FRMD5: variants seen among roughly 807,000 people sequenced by gnomAD.
The protein encoded by FRMD5 is FERM domain-containing protein 5.
FRMD5 carries 20 observed loss-of-function variants against 69.0 expected under a neutral mutation model. The observed-to-expected ratio is 0.29, with a 90% confidence interval of 0.20 to 0.42. The LOEUF (loss-of-function observed/expected upper bound fraction) is 0.42, where lower values mean the gene tolerates loss of function less well. Ranked by LOEUF, FRMD5 falls within the 10% of genes least tolerant of loss-of-function variation. The probability of loss-of-function intolerance (pLI) is 1.00; values close to 1 mark genes in which losing one functional copy is unlikely to be tolerated. For synonymous variants in FRMD5, 271 were observed against 260.1 expected, an observed-to-expected ratio of 1.04 and a Z score of -0.40; for missense variants, 595 against 708.6, an observed-to-expected ratio of 0.84 and a Z score of 1.82.
intron 1 of FRMD5, among the ~76,000 whole-genome samples, chr15:44,191,760 C>A (rs1034641984): frequency 6.6e-6 from 1 of 151,218 alleles, no homozygotes; most frequent in Non-Finnish European, 1.5e-5. Flanking sequence ...CATAAAAATT[C>A]CTTAGGATAT....
chr15:44,132,556 G>C (rs2140423118), intron 1 of FRMD5, among the ~76,000 whole-genome samples: 1 of 152,130 alleles, frequency 6.6e-6, no homozygotes, highest in South Asian at 2.1e-4. Context: ...AGCCTCCCAA[G>C]TAGTTGGGAC....
At chr15:43,923,169 C>T (rs1321937960) in intron 2 of FRMD5, among the ~76,000 whole-genome samples, 2 of 152,226 alleles carry the variant, frequency 1.3e-5, no homozygotes, top group Non-Finnish European at 2.9e-5. Context: ...AAGCCATTAA[C>T]TCACTCATGC....
At chr15:44,172,900 C>A (rs764012627) in intron 1 of FRMD5, among the ~76,000 whole-genome samples, 1 of 152,288 alleles carries the variant, frequency 6.6e-6, no homozygotes, top group East Asian at 1.9e-4. Context: ...AGGGAAGATA[C>A]TTCCATTTCA....
intron 1 of FRMD5, among the ~76,000 whole-genome samples, chr15:44,112,770 T>C (rs2076817079): frequency 6.6e-6 from 1 of 151,616 alleles, no homozygotes; most frequent in African/African-American, 2.4e-5. Flanking sequence ...GCCTGGCCTG[T>C]ATTTTTAGTA....
intron 1 of FRMD5, among the ~76,000 whole-genome samples, chr15:44,098,091 T>A (rs371799007): frequency 7.2e-6 from 1 of 139,350 alleles, no homozygotes; most frequent in African/African-American, 2.7e-5. Flanking sequence ...AATGCCATGC[T>A]CCCAAAAGTT....
At position 43,892,049 on chromosome 15, in the gene FRMD5, T is replaced by G. The variant is rs537270945; in HGVS notation, c.660A>C (p.Ala220=). The part of the protein sequence containing the change: ...HPCKDVSGNA[A]FLAFTPFGFV... ...ACCCAAAAGGAGTGAAGGCCAGAAA[T>G]GCAGCATTTCCTGACACGTCCTGCA... Residue 220 remains alanine (A), a synonymous_variant, in exon 8 of 14, where the codon GCA becomes GCC. Transcript: ENST00000417257. 3 of 1,614,132 alleles carry G rather than the reference T, an allele frequency of 1.9e-6. No homozygotes were observed. In the Middle Eastern group the frequency reaches 4.9e-4, roughly 266 times the overall value.
At chr15:43,944,063 G>A (rs1350943820) in intron 1 of FRMD5, among the ~76,000 whole-genome samples, 1 of 152,210 alleles carries the variant, frequency 6.6e-6, no homozygotes, top group Non-Finnish European at 1.5e-5. Context: ...ATCGGCCACT[G>A]CCTTAGTCCT....
At chr15:44,163,767 C>T (rs1431686380) in intron 1 of FRMD5, among the ~76,000 whole-genome samples, 1 of 152,184 alleles carries the variant, frequency 6.6e-6, no homozygotes, top group Non-Finnish European at 1.5e-5. Flanking sequence ...TGCAGGGTCT[C>T]AGGAAAAGGT....
chr15:44,178,910 T>G (rs187822183), intron 1 of FRMD5, among the ~76,000 whole-genome samples: 10 of 152,186 alleles, frequency 6.6e-5, no homozygotes, highest in Non-Finnish European at 1.5e-4. Flanking sequence ...GAGAATCGCT[T>G]GAACCCAGAA....
chr15:44,043,541 T>C (rs2140322891), intron 1 of FRMD5, among the ~76,000 whole-genome samples: 1 of 152,234 alleles, frequency 6.6e-6, no homozygotes, highest in Admixed American at 6.5e-5. Flanking sequence ...AAGGCTACAG[T>C]AACAAAAACA....
At chr15:44,001,041 G>A (rs908849951) in intron 1 of FRMD5, among the ~76,000 whole-genome samples, 1 of 152,036 alleles carries the variant, frequency 6.6e-6, no homozygotes, top group Non-Finnish European at 1.5e-5. Context: ...TTTTCTCACC[G>A]ATAACAAGTA....
chr15:43,902,320 G>C, intron 6 of FRMD5, 58 bp from the exon 7 acceptor site: 3 of 1,359,592 alleles, frequency 2.2e-6, no homozygotes, highest in Non-Finnish European at 3.2e-6. Context: ...GTTCCCCTGA[G>C]GTAAACTCTC....
At chr15:44,062,853 G>A (rs1243116303) in intron 1 of FRMD5, among the ~76,000 whole-genome samples, 2 of 151,986 alleles carry the variant, frequency 1.3e-5, no homozygotes, top group Non-Finnish European at 2.9e-5. Flanking sequence ...GTATGATAAA[G>A]GTTGAGGTTA....
intron 1 of FRMD5, among the ~76,000 whole-genome samples, chr15:44,116,850 G>T (rs926705905): frequency 2.0e-5 from 3 of 152,136 alleles, no homozygotes; most frequent in African/African-American, 7.2e-5. Context: ...GGGAGGCTGA[G>T]GCGGGCGGAT....
At chr15:44,183,205 G>A (rs12908646) in intron 1 of FRMD5, among the ~76,000 whole-genome samples, 57,349 of 151,900 alleles carry the variant, frequency 0.38, 11,128 homozygotes, top group Middle Eastern at 0.55. Flanking sequence ...GATCCATGCA[G>A]TGAGAAAAGG....
intron 2 of FRMD5, among the ~76,000 whole-genome samples, chr15:43,921,290 A>G (rs1350324863): frequency 6.6e-6 from 1 of 152,232 alleles, no homozygotes; most frequent in Non-Finnish European, 1.5e-5. Context: ...CAGAACAGCA[A>G]CACCCCCAGA....
intron 1 of FRMD5, among the ~76,000 whole-genome samples, chr15:43,961,994 T>A (rs866771672): frequency 6.6e-6 from 1 of 151,786 alleles, no homozygotes; most frequent in Non-Finnish European, 1.5e-5. Context: ...AAAACTGGCA[T>A]AAGACAGGGA....
intron 1 of FRMD5, among the ~76,000 whole-genome samples, chr15:43,973,030 GT>G (rs34726036): frequency 0.13 from 18,877 of 149,448 alleles, 2,313 homozygotes; most frequent in African/African-American, 0.32. Context: ...TGTTTTTCTT[GT>G]TTTTTTTTTG....
At chr15:43,984,147 A>G (rs1421559095) in intron 1 of FRMD5, among the ~76,000 whole-genome samples, 2 of 152,202 alleles carry the variant, frequency 1.3e-5, no homozygotes, top group African/African-American at 4.8e-5. Context: ...AACTTACACA[A>G]CATATCAAAG....
Sources: allele counts gnomAD v4.1 joint callset (sites outside exome capture counted in the v4.1 genomes callset), GRCh38; gene constraint gnomAD v4.1.1; transcripts MANE v1.5; gene names NCBI Gene and HGNC (gene_info 2026-07-23, HGNC 2026-07-21).